Variants in ARRB1 observed in about 807,000 individuals in gnomAD.
ARRB1 encodes arrestin beta 1, also known as beta-arrestin-1.
A neutral mutation model predicts 56.8 loss-of-function variants in ARRB1; 21 were observed. The observed-to-expected ratio is 0.37, with a 90% confidence interval of 0.26 to 0.53. ARRB1 has a LOEUF of 0.53. Ranked by LOEUF, ARRB1 falls within the 20% of genes least tolerant of loss-of-function variation. The pLI is 0.88. For synonymous variants in ARRB1, 210 were observed against 218.6 expected, an observed-to-expected ratio of 0.96 and a Z score of 0.35; for missense variants, 424 against 553.7, an observed-to-expected ratio of 0.77 and a Z score of 2.35.
chr11:75,333,971 C>T (rs1947560714), intron 1 of ARRB1, among the ~76,000 whole-genome samples: 1 of 152,178 alleles, frequency 6.6e-6, no homozygotes, highest in Admixed American at 6.5e-5. Context: ...ACCAGCCAGA[C>T]TCCTGACCCA....
rs568976990 is a variant in ARRB1 at position 75,316,934 on chromosome 11, C to T, written c.21-26895G>A. Among the ~76,000 whole-genome samples, 6 of 152,108 alleles carry T rather than the reference C, an allele frequency of 3.9e-5. No homozygotes were observed. In the East Asian group the frequency reaches 7.7e-4, roughly 20 times the overall value. On this transcript the variant is annotated intron_variant, in intron 1 of 15. Transcript: ENST00000420843. ...TACAAAAATTAGCCATGTGTAGTGG[C>T]GCGTACCTGTAGTCCCAGCTACTCG...
At chr11:75,322,026 T>C (rs1189084209) in intron 1 of ARRB1, among the ~76,000 whole-genome samples, 3 of 152,296 alleles carry the variant, frequency 2.0e-5, no homozygotes, top group Non-Finnish European at 2.9e-5. Context: ...ACAGGCATCA[T>C]ACAAACAAGT....
intron 10 of ARRB1, 162 bp from the exon 11 acceptor site, chr11:75,274,373 C>T: frequency 1.2e-6 from 1 of 836,328 alleles, no homozygotes; most frequent in Non-Finnish European, 1.8e-6. Flanking sequence ...CCAGCTCGGG[C>T]AAGGAGACCA....
rs569234377 is a variant in ARRB1 at position 75,336,648 on chromosome 11, C to T, written c.20+14940G>A. Among the ~76,000 whole-genome samples, 465 of 152,258 alleles carry T rather than the reference C, an allele frequency of 3.1e-3. 1 individual carries two copies. Among genetic ancestry groups the T allele is most frequent in the Non-Finnish European group, 5.3e-3 (360 of 68,024 alleles). On this transcript the variant is annotated intron_variant, in intron 1 of 15. Transcript: ENST00000420843. Reference sequence around the variant, plus strand: ...GTCCCAGGAAAATTGGGATGGCTGACGACCCTCATGTACTGCATGCCTGGT... The same window carrying T: ...GTCCCAGGAAAATTGGGATGGCTGATGACCCTCATGTACTGCATGCCTGGT...
Position 75,268,916 on chromosome 11 carries a change from G to A in ARRB1, c.1066C>T (p.Pro356Ser). Reference protein sequence around the residue: ...ELPFTLMHPKPKEEPPHREVP... With the variant: ...ELPFTLMHPKSKEEPPHREVP... The stretch of plus-strand genomic sequence containing the variant: ...TCCCGATGCGGGGGTTCCTCTTTGG[G>A]CTTGGGGTGCATTAGGGTGAAGGGC... The change falls in exon 14 of 16, where the codon CCC (proline) becomes TCC (serine). Residue 356 changes from proline (P) to serine (S), a missense_variant. By Grantham distance (74) the Pro-to-Ser change is moderately conservative (BLOSUM62 -1). This residue lies in a region of ARRB1 where 121 missense variants were observed against 147.3 expected (regional missense o/e 0.82). Coordinates refer to ENST00000420843, the MANE Select transcript of ARRB1 (RefSeq NM_004041.5). 6.2e-7 allele frequency: 1 copy of A among 1,610,924 alleles called. No individual in the cohort carries two copies. The highest frequency in any genetic ancestry group is 8.5e-7 in the Non-Finnish European group (1 of 1,179,178).
At chr11:75,307,357 C>G (rs1056527165) in intron 1 of ARRB1, among the ~76,000 whole-genome samples, 23 of 152,178 alleles carry the variant, frequency 1.5e-4, no homozygotes, top group Non-Finnish European at 3.2e-4. Context: ...CAGGGCTCCT[C>G]TCTCAAATAG....
intron 1 of ARRB1, among the ~76,000 whole-genome samples, chr11:75,342,145 C>G (rs906483920): frequency 1.3e-5 from 2 of 152,188 alleles, no homozygotes; most frequent in African/African-American, 4.8e-5. Context: ...AGGCCAGAGC[C>G]CCTTCCCTCC....
intron 1 of ARRB1, among the ~76,000 whole-genome samples, chr11:75,327,410 T>C (rs1405923409): frequency 1.3e-5 from 2 of 151,318 alleles, no homozygotes; most frequent in Non-Finnish European, 1.5e-5. Context: ...CAAGCAATCC[T>C]CCTGTCTCAG....
At chr11:75,308,818 T>G (rs1013551708) in intron 1 of ARRB1, among the ~76,000 whole-genome samples, 2 of 152,186 alleles carry the variant, frequency 1.3e-5, no homozygotes, top group African/African-American at 4.8e-5. Context: ...CTAGCTGGTC[T>G]TGATCTCCTG....
intron 1 of ARRB1, among the ~76,000 whole-genome samples, chr11:75,319,513 T>A (rs1261773151): frequency 2.0e-5 from 3 of 152,172 alleles, no homozygotes; most frequent in Non-Finnish European, 4.4e-5. Flanking sequence ...CTCTTACTCA[T>A]CCTTCAAAAT....
At chr11:75,309,952 A>T (rs1947120962) in intron 1 of ARRB1, among the ~76,000 whole-genome samples, 1 of 152,118 alleles carries the variant, frequency 6.6e-6, no homozygotes, top group Non-Finnish European at 1.5e-5. Flanking sequence ...CTTGCTCCTC[A>T]AAACAGTTCC....
chr11:75,301,801 C>G (rs1438705753), intron 1 of ARRB1, among the ~76,000 whole-genome samples: 1 of 152,126 alleles, frequency 6.6e-6, no homozygotes, highest in Admixed American at 6.5e-5. Flanking sequence ...GTCTGCTCTG[C>G]CAGAATTTCC....
intron 12 of ARRB1, among the ~76,000 whole-genome samples, chr11:75,272,244 T>C (rs1378404388): frequency 6.6e-6 from 1 of 152,248 alleles, no homozygotes; most frequent in Non-Finnish European, 1.5e-5. Flanking sequence ...AATCTTTTCA[T>C]AGAAATTTAT....
intron 1 of ARRB1, among the ~76,000 whole-genome samples, chr11:75,341,812 A>G (rs958076768): frequency 5.9e-5 from 9 of 152,224 alleles, no homozygotes; most frequent in African/African-American, 2.2e-4. Context: ...CAAGGGCAGG[A>G]CATGCTTGGG....
chr11:75,304,365 G>A (rs1249899744), intron 1 of ARRB1, among the ~76,000 whole-genome samples: 1 of 151,928 alleles, frequency 6.6e-6, no homozygotes, highest in Admixed American at 6.6e-5. Flanking sequence ...GGTTCTCTGT[G>A]GTCAGGGACT....
chr11:75,315,601 T>G (rs1947251783), intron 1 of ARRB1, among the ~76,000 whole-genome samples: 1 of 152,322 alleles, frequency 6.6e-6, no homozygotes, highest in Admixed American at 6.5e-5. Flanking sequence ...TTTTGCTGGC[T>G]ACTTCCTCAG....
At chr11:75,305,018 C>CTTTTTTTTTT (rs35323331) in intron 1 of ARRB1, among the ~76,000 whole-genome samples, 40 of 86,744 alleles carry the variant, frequency 4.6e-4, no homozygotes, top group South Asian at 8.3e-4. Flanking sequence ...TTCTTTCTTT[C>CTTTTTTTTTT]TTTTTTTTTT....
intron 1 of ARRB1, among the ~76,000 whole-genome samples, chr11:75,298,431 C>A (rs755442848): frequency 6.6e-6 from 1 of 152,094 alleles, no homozygotes; most frequent in Non-Finnish European, 1.5e-5. Context: ...ATTCAAGTGG[C>A]CACTAAACAC....
rs1439942502 is a variant in ARRB1 at position 75,264,005 on chromosome 11, C to G, written c.*2158G>C. 2.6e-5 allele frequency among the ~76,000 whole-genome samples: 4 copies of G among 152,236 alleles called. No homozygotes were observed. Among genetic ancestry groups the G allele is most frequent in the Non-Finnish European group, 5.9e-5 (4 of 68,036 alleles). On this transcript the variant is annotated 3_prime_UTR_variant, in exon 16 of 16. Coordinates refer to ENST00000420843, the MANE Select transcript of ARRB1 (RefSeq NM_004041.5). ...GAGGGCATATGTTTGCCATGCATTG[C>G]TCCAGCATTTCATCAGCTCTGCGCC...
Sources: allele counts gnomAD v4.1 joint callset (sites outside exome capture counted in the v4.1 genomes callset), GRCh38; gene constraint gnomAD v4.1.1; regional missense constraint gnomAD v4.1.1; transcripts MANE v1.5; gene names NCBI Gene and HGNC (gene_info 2026-07-23, HGNC 2026-07-21).